RAC1: variants seen among roughly 807,000 people sequenced by gnomAD.
The protein encoded by RAC1 is Rac family small GTPase 1, also known as ras-related C3 botulinum toxin substrate 1.
RAC1 carries 2 observed loss-of-function variants against 25.2 expected under a neutral mutation model. That is an observed-to-expected ratio of 0.08 (90% CI 0.03 to 0.25). The LOEUF (loss-of-function observed/expected upper bound fraction) is 0.25, where lower values mean the gene tolerates loss of function less well. Ranked by LOEUF, RAC1 falls within the 10% of genes least tolerant of loss-of-function variation. RAC1 has a pLI of 1.00. For missense variants in RAC1, 50 were observed against 235.7 expected (o/e 0.21, Z 5.16); for synonymous variants, 88 against 94.0 (o/e 0.94, Z 0.37).
At chr7:6,393,713 A>G (rs1204922859) in intron 3 of RAC1, among the ~76,000 whole-genome samples, 1 of 152,162 alleles carries the variant, frequency 6.6e-6, no homozygotes, top group Non-Finnish European at 1.5e-5. Context: ...GGAGTGGGAC[A>G]TGGTTCTTGC....
intron 3 of RAC1, 92 bp from the exon 4 acceptor site, chr7:6,400,034 A>G: frequency 8.6e-7 from 1 of 1,159,882 alleles, no homozygotes; most frequent in Non-Finnish European, 1.3e-6. Flanking sequence ...CTCTGCGTCC[A>G]ACAAGTCCTT....
chr7:6,380,322 A>G (rs1583257965), intron 1 of RAC1, among the ~76,000 whole-genome samples: 1 of 151,978 alleles, frequency 6.6e-6, no homozygotes, highest in East Asian at 1.9e-4. Flanking sequence ...ATCTTTGTTG[A>G]TGATTTTATA....
At chr7:6,395,125 A>G (rs989012209) in intron 3 of RAC1, among the ~76,000 whole-genome samples, 3 of 152,062 alleles carry the variant, frequency 2.0e-5, no homozygotes, top group Non-Finnish European at 2.9e-5. Context: ...AAGTGCTGGG[A>G]TTACAAATTT....
chr7:6,403,763 G>C lies in RAC1; in HGVS notation c.*1317G>C, dbSNP rs1303308175. The C allele has an allele frequency of 4.7e-6, 1 of 210,736 alleles. No individual in the cohort carries two copies. The highest frequency in any genetic ancestry group is 7.2e-5 in the East Asian group (1 of 13,894). The allele number at this position is 210,736 out of a possible 1,614,324, so 13.1% of individuals were successfully genotyped here. A position where few individuals can be genotyped will look rare whatever the true frequency, so the allele number is the denominator to read the frequency against. On this transcript the variant is annotated 3_prime_UTR_variant, in exon 6 of 6. Coordinates refer to ENST00000348035, the MANE Select transcript of RAC1 (RefSeq NM_006908.5). Reference sequence around the variant, plus strand: ...CCTATTGATGTTCCTTTGGGTCTGTGAGGTTCTGTAAACTGTGCTAGTGCT... The same window carrying C: ...CCTATTGATGTTCCTTTGGGTCTGTCAGGTTCTGTAAACTGTGCTAGTGCT...
intron 1 of RAC1, among the ~76,000 whole-genome samples, chr7:6,376,500 TC>T (rs1583255279): frequency 5.1e-5 from 7 of 138,454 alleles, no homozygotes; most frequent in East Asian, 2.1e-4. Context: ...TTTTTTTTTT[TC>T]TTTTCTTTTT....
At chr7:6,397,374 A>G (rs1377204796) in intron 3 of RAC1, among the ~76,000 whole-genome samples, 2 of 151,938 alleles carry the variant, frequency 1.3e-5, no homozygotes, top group Non-Finnish European at 2.9e-5. Context: ...GCCTCACTGC[A>G]ACCTCCACCT....
intron 3 of RAC1, chr7:6,399,863 G>A: frequency 4.0e-6 from 2 of 506,308 alleles, no homozygotes; most frequent in Non-Finnish European, 7.0e-6. Flanking sequence ...GGTCTGGTCT[G>A]ATCCTCCTGA....
chr7:6,392,113 T>A (rs1783107580), intron 3 of RAC1, 72 bp downstream of exon 3: 12 of 1,602,942 alleles, frequency 7.5e-6, no homozygotes, highest in Non-Finnish European at 8.5e-6. Context: ...TAGTGCATGT[T>A]ACCTATGGAC....
chr7:6,390,784 G>T (rs1446469150), intron 2 of RAC1, among the ~76,000 whole-genome samples: 1 of 151,926 alleles, frequency 6.6e-6, no homozygotes, highest in Non-Finnish European at 1.5e-5. Flanking sequence ...ATGAGGCAAG[G>T]ACCTGATTCT....
At chr7:6,389,715 C>T (rs1276479171) in intron 2 of RAC1, among the ~76,000 whole-genome samples, 1 of 151,990 alleles carries the variant, frequency 6.6e-6, no homozygotes, top group African/African-American at 2.4e-5. Flanking sequence ...TTTTGTAGAG[C>T]TATGTTTTGC....
Position 6,401,915 on chromosome 7 carries a change from A to T in RAC1, c.336A>T (p.Leu112=), listed in dbSNP as rs1345029248. Residue 112 remains leucine, a synonymous_variant, in exon 5 of 6, where the codon CTA becomes CTT. Coordinates refer to ENST00000348035, the MANE Select transcript of RAC1 (RefSeq NM_006908.5). ...RHHCPNTPII[L]VGTKLDLRDD... ...ACTGTCCCAACACTCCCATCATCCT[A>T]GTGGGAACTAAACTTGATCTTAGGG... The T allele has an allele frequency of 6.2e-7, 1 of 1,613,850 alleles. No individual in the cohort carries two copies. The highest frequency in any genetic ancestry group is 1.7e-5 in the Admixed American group (1 of 59,998).
chr7:6,398,999 T>A (rs919115108), intron 3 of RAC1, among the ~76,000 whole-genome samples: 7 of 152,178 alleles, frequency 4.6e-5, no homozygotes, highest in African/African-American at 1.4e-4. Context: ...GATGCAGATA[T>A]GGAGACTCCT....
intron 1 of RAC1, among the ~76,000 whole-genome samples, chr7:6,381,907 C>CAGTGTAATCGATCAGTGTAA (rs1562462213): frequency 6.6e-6 from 1 of 151,996 alleles, no homozygotes; most frequent in Non-Finnish European, 1.5e-5. Flanking sequence ...CGAGGACCTT[C>CAGTGTAATCGATCAGTGTAA]ATGCGAGGTC....
At chr7:6,379,499 C>T (rs13228924) in intron 1 of RAC1, among the ~76,000 whole-genome samples, 1 of 152,028 alleles carries the variant, frequency 6.6e-6, no homozygotes, top group Admixed American at 6.6e-5. Context: ...TCTCAAACGC[C>T]TGACCTCAGG....
intron 1 of RAC1, among the ~76,000 whole-genome samples, chr7:6,381,239 G>C (rs1213502495): frequency 6.6e-6 from 1 of 152,182 alleles, no homozygotes; most frequent in Admixed American, 6.6e-5. Flanking sequence ...TGTGTGTTCA[G>C]CTGGCTTGTA....
intron 3 of RAC1, among the ~76,000 whole-genome samples, chr7:6,395,256 A>G (rs6942723): frequency 0.17 from 26,090 of 152,022 alleles, 2,464 homozygotes; most frequent in Admixed American, 0.25. Context: ...GTGAGCCACT[A>G]CGCCTGGCCA....
intron 3 of RAC1, among the ~76,000 whole-genome samples, chr7:6,395,494 G>A (rs1189063090): frequency 6.6e-6 from 1 of 152,138 alleles, no homozygotes; most frequent in African/African-American, 2.4e-5. Context: ...GTGGGAATTC[G>A]GCCCTCACTC....
chr7:6,393,887 CAG>C (rs1444305782), intron 3 of RAC1, among the ~76,000 whole-genome samples: 1 of 152,186 alleles, frequency 6.6e-6, no homozygotes, highest in Non-Finnish European at 1.5e-5. Flanking sequence ...CTTGACAACT[CAG>C]GGGCAGGCCA....
chr7:6,376,078 C>G (rs886594190), intron 1 of RAC1, among the ~76,000 whole-genome samples: 1 of 149,502 alleles, frequency 6.7e-6, no homozygotes, highest in African/African-American at 2.5e-5. Context: ...AATTCAGATG[C>G]AAGAAGGATA....
Sources: gnomAD v4.1 joint callset for allele counts (sites outside exome capture counted in the v4.1 genomes callset) on GRCh38, gnomAD v4.1.1 for gene constraint, MANE v1.5 for transcripts, NCBI Gene and HGNC (gene_info 2026-07-23, HGNC 2026-07-21) for gene names.